Variants in UBE2D3 observed in about 807,000 individuals in gnomAD.
The protein encoded by UBE2D3 is ubiquitin-conjugating enzyme E2 D3.
UBE2D3 carries 2 observed loss-of-function variants against 22.8 expected under a neutral mutation model. The ratio of observed to expected loss-of-function variants is 0.09; its 90% CI spans 0.04 to 0.28. UBE2D3 has a LOEUF of 0.28. Among genes scored for constraint, UBE2D3 ranks in the 10% least tolerant of loss-of-function variants. The probability of loss-of-function intolerance (pLI) is 1.00; values close to 1 mark genes in which losing one functional copy is unlikely to be tolerated. For missense variants in UBE2D3, 27 were observed against 182.5 expected (o/e 0.15, Z 4.91); for synonymous variants, 56 against 60.4 (o/e 0.93, Z 0.34).
intron 1 of UBE2D3, among the ~76,000 whole-genome samples, chr4:102,849,660 G>A (rs1732241248): frequency 6.6e-6 from 1 of 152,148 alleles, no homozygotes; most frequent in Admixed American, 6.6e-5. Context: ...ATCTCCAAAT[G>A]TTAAGTACCA....
At chr4:102,801,754 G>A in intron 5 of UBE2D3, 195 bp from the exon 6 acceptor site, 1 of 456,600 alleles carries the variant, frequency 2.2e-6, no homozygotes, top group Non-Finnish European at 3.9e-6. Flanking sequence ...TAAACTTTTG[G>A]ATAAAAATTT....
intron 7 of UBE2D3, chr4:102,798,978 C>G: frequency 6.2e-7 from 1 of 1,610,750 alleles, no homozygotes; most frequent in Non-Finnish European, 8.5e-7. Flanking sequence ...CCTATTGTAC[C>G]TAATTGAACA....
At chr4:102,810,724 T>C (rs1447941295) in intron 2 of UBE2D3, 1 of 152,204 alleles carries the variant, frequency 6.6e-6, no homozygotes, top group Admixed American at 6.5e-5. Flanking sequence ...AACAAGTATG[T>C]AGTTCACTGT....
In UBE2D3 at chr4:102,838,912, T is replaced by C. The variant is rs182486370; in HGVS notation, c.-128-12276A>G. The stretch of plus-strand genomic sequence containing the variant: ...AGCAAAAGATGATACAAGAGGAGAG[T>C]TTCTTCTGACCCCCAAATCAGCTTT... On this transcript the variant is annotated intron_variant, in intron 1 of 7. Coordinates refer to the UBE2D3 transcript ENST00000338145. Among the ~76,000 whole-genome samples the C allele has an allele frequency of 1.8e-3, 277 of 150,854 alleles. 2 individuals carry two copies. The highest frequency in any genetic ancestry group is 1.7e-3 in the Non-Finnish European group (116 of 67,786).
rs1229631687 is a variant in UBE2D3 at position 102,795,570 on chromosome 4, T to C, written c.*1845A>G. ...TCATTGGAAAAACTGCGTAGCTGGT[T>C]TTTTCCCCAATGAAATGATTACAGA... On this transcript the variant is annotated 3_prime_UTR_variant, in exon 8 of 8. Transcript: ENST00000453744. 1.3e-5 allele frequency: 2 copies of C among 152,062 alleles called. No homozygotes were observed. The highest frequency in any genetic ancestry group is 2.9e-5 in the Non-Finnish European group (2 of 67,946). 9.4% of individuals were successfully genotyped at this position (152,062 alleles called of 1,614,324 possible). A position where few individuals can be genotyped will look rare whatever the true frequency, so the allele number is the denominator to read the frequency against.
intron 2 of UBE2D3, among the ~76,000 whole-genome samples, chr4:102,821,805 A>T (rs1729663142): frequency 6.6e-6 from 1 of 152,192 alleles, no homozygotes; most frequent in African/African-American, 2.4e-5. Flanking sequence ...AATTTTTTTA[A>T]AAACTCCAAA....
intron 1 of UBE2D3, among the ~76,000 whole-genome samples, chr4:102,849,471 G>A (rs1470510753): frequency 1.3e-5 from 2 of 149,608 alleles, no homozygotes; most frequent in African/African-American, 2.5e-5. Flanking sequence ...TGTAAGAAAA[G>A]ATACTGGCCA....
At chr4:102,816,423 C>T (rs1377848507) in intron 2 of UBE2D3, among the ~76,000 whole-genome samples, 1 of 152,188 alleles carries the variant, frequency 6.6e-6, no homozygotes, top group Non-Finnish European at 1.5e-5. Flanking sequence ...GCAGCAATAA[C>T]AAAGAGCTGA....
At chr4:102,829,030 T>G (rs1406568404), upstream of UBE2D3, among the ~76,000 whole-genome samples, 1 of 152,224 alleles carries the variant, frequency 6.6e-6, no homozygotes, top group Non-Finnish European at 1.5e-5. Context: ...TAATAAAAAC[T>G]TAACACGTCA....
intron 2 of UBE2D3, among the ~76,000 whole-genome samples, chr4:102,823,304 T>C (rs1490680184): frequency 6.6e-6 from 1 of 152,200 alleles, no homozygotes; most frequent in African/African-American, 2.4e-5. Context: ...ACCTGGGTCA[T>C]CTTCTTAACC....
chr4:102,841,846 T>C (rs1731770898), intron 1 of UBE2D3, among the ~76,000 whole-genome samples: 1 of 152,168 alleles, frequency 6.6e-6, no homozygotes, highest in African/African-American at 2.4e-5. Context: ...TCATATTTGG[T>C]CCATTACTAT....
At chr4:102,822,496 TCAAAATATTATTAGC>T (rs1334248324) in intron 2 of UBE2D3, among the ~76,000 whole-genome samples, 1 of 152,236 alleles carries the variant, frequency 6.6e-6, no homozygotes, top group Non-Finnish European at 1.5e-5. Flanking sequence ...ACTTCTACTT[TCAAAATATTATTAGC>T]CAAAATCTTA....
At chr4:102,863,402 A>G (rs1036591278) in intron 1 of UBE2D3, among the ~76,000 whole-genome samples, 5 of 152,082 alleles carry the variant, frequency 3.3e-5, no homozygotes, top group Non-Finnish European at 5.9e-5. Flanking sequence ...AGTAAGAACT[A>G]ATTATCACAA....
Position 102,795,816 on chromosome 4 carries a change from T to C in UBE2D3, c.*1599A>G, listed in dbSNP as rs1169002798. On this transcript the variant is annotated 3_prime_UTR_variant, in exon 8 of 8. Transcript: ENST00000453744. ...TGTGGAAGTGGAGGAGTCACAGATGTGCTAGAACTTTAAGAAATAAAGCAG... is the reference window on the plus strand; with the variant it reads ...TGTGGAAGTGGAGGAGTCACAGATGCGCTAGAACTTTAAGAAATAAAGCAG... The C allele has an allele frequency of 4.6e-5, 7 of 152,150 alleles. No homozygotes were observed. The highest frequency in any genetic ancestry group is 1.7e-4 in the African/African-American group (7 of 41,430). 9.4% of individuals were successfully genotyped at this position (152,150 alleles called of 1,614,324 possible).
chr4:102,839,984 T>G (rs1315878385), intron 1 of UBE2D3, among the ~76,000 whole-genome samples: 1 of 152,214 alleles, frequency 6.6e-6, no homozygotes, highest in East Asian at 1.9e-4. Flanking sequence ...AATAGACATT[T>G]CTCAGAAGAA....
intron 2 of UBE2D3, among the ~76,000 whole-genome samples, chr4:102,821,242 T>A (rs1051956119): frequency 2.0e-5 from 3 of 152,172 alleles, no homozygotes; most frequent in Non-Finnish European, 4.4e-5. Context: ...TAAGTCATTA[T>A]AATAAAAGAC....
At chr4:102,832,354 A>G (rs947249226), upstream of UBE2D3, among the ~76,000 whole-genome samples, 3 of 151,850 alleles carry the variant, frequency 2.0e-5, no homozygotes, top group African/African-American at 7.3e-5. Context: ...ATGAGGAGAC[A>G]AGATAGATTT....
chr4:102,855,882 T>C (rs1230981835), intron 1 of UBE2D3, among the ~76,000 whole-genome samples: 1 of 152,122 alleles, frequency 6.6e-6, no homozygotes, highest in Non-Finnish European at 1.5e-5. Context: ...TGGAAGGTAA[T>C]ATTTACTACC....
intron 1 of UBE2D3, among the ~76,000 whole-genome samples, chr4:102,845,157 A>C (rs1731983346): frequency 1.3e-5 from 2 of 152,102 alleles, no homozygotes; most frequent in African/African-American, 4.8e-5. Flanking sequence ...TAGAGGTTGC[A>C]GTGAGCTGAG....
Sources: gnomAD v4.1 joint callset for allele counts (sites outside exome capture counted in the v4.1 genomes callset) on GRCh38, gnomAD v4.1.1 for gene constraint, MANE v1.5 for transcripts, NCBI Gene and HGNC (gene_info 2026-07-23, HGNC 2026-07-21) for gene names.